Variants in RIOX2 observed in about 807,000 individuals in gnomAD.
The protein encoded by RIOX2 is ribosomal oxygenase 2, also known as 60S ribosomal protein L27a histidine hydroxylase.
A neutral mutation model predicts 51.2 loss-of-function variants in RIOX2; 43 were observed. The ratio of observed to expected loss-of-function variants is 0.84; its 90% CI spans 0.66 to 1.08. The LOEUF (loss-of-function observed/expected upper bound fraction) is 1.08. RIOX2 is among the 50% of genes least tolerant of loss of function. The probability of loss-of-function intolerance (pLI) is 0.00; values close to 1 mark genes in which losing one functional copy is unlikely to be tolerated. For missense variants in RIOX2, 566 were observed against 561.7 expected (o/e 1.01, Z -0.08); for synonymous variants, 226 against 218.5 (o/e 1.03, Z -0.30).
intron 3 of RIOX2, among the ~76,000 whole-genome samples, chr3:97,960,204 A>G (rs1244861967): frequency 1.3e-5 from 2 of 152,212 alleles, no homozygotes; most frequent in Non-Finnish European, 2.9e-5. Flanking sequence ...AAAAAGTCGT[A>G]ACGTTACAAG....
Position 97,942,444 on chromosome 3 carries a change from G to A in RIOX2, c.*2740C>T, listed in dbSNP as rs774492633. 2.4e-5 allele frequency: 38 copies of A among 1,607,172 alleles called. No homozygotes were observed. The highest frequency in any genetic ancestry group is 2.7e-5 in the Non-Finnish European group (32 of 1,176,160). The stretch of plus-strand genomic sequence containing the variant: ...GATCAACTTGTCCTTGATGTTAAAG[G>A]TGGGCCTTTGATGATACCCAATGTT... On this transcript the variant is annotated 3_prime_UTR_variant, in exon 10 of 10. Coordinates refer to ENST00000394198, the MANE Select transcript of RIOX2 (RefSeq NM_153182.4).
intron 7 of RIOX2, 30 bp downstream of exon 7, chr3:97,949,814 G>T: frequency 6.2e-7 from 1 of 1,605,186 alleles, no homozygotes; most frequent in South Asian, 1.1e-5. Context: ...ATTAGCCTCT[G>T]ACCACCCAGA....
At chr3:97,954,677 G>C (rs140513828) in intron 4 of RIOX2, among the ~76,000 whole-genome samples, 182 bp from the exon 5 acceptor site, 1 of 151,976 alleles carries the variant, frequency 6.6e-6, no homozygotes, top group African/African-American at 2.4e-5. Context: ...CTCTGTGTCC[G>C]TGAGCCTGTC....
In RIOX2 at chr3:97,967,318, C is replaced by G. The variant is rs766455314; in HGVS notation, c.276G>C (p.Arg92=). 1 of 1,614,200 alleles carries G rather than the reference C, an allele frequency of 6.2e-7. No homozygotes were observed. The highest frequency in any genetic ancestry group is 8.5e-7 in the Non-Finnish European group (1 of 1,180,042). ...KLTDLKSLCS[R]GMYYGRDVNV... The stretch of plus-strand genomic sequence containing the variant: ...TCACATCTCTTCCATAGTACATCCC[C>G]CGGCTGCACAGACTCTTCAGATCTG... The change falls in exon 2 of 10, where the codon CGG becomes CGC. Residue 92 remains arginine (R), a synonymous_variant. Coordinates refer to ENST00000394198, the MANE Select transcript of RIOX2 (RefSeq NM_153182.4).
intron 8 of RIOX2, among the ~76,000 whole-genome samples, chr3:97,946,604 A>ATATATATATATATATATATATATC (rs1553712244): frequency 7.2e-6 from 1 of 139,716 alleles, no homozygotes; most frequent in Non-Finnish European, 1.5e-5. Context: ...ATATATATAT[A>ATATATATATATATATATATATATC]TATCTATTCA....
intron 4 of RIOX2, among the ~76,000 whole-genome samples, chr3:97,956,567 G>A (rs942913968): frequency 1.3e-5 from 2 of 151,778 alleles, no homozygotes; most frequent in Non-Finnish European, 2.9e-5. Context: ...CGTGATCTCG[G>A]TCACTGCAAC....
chr3:97,967,730 C>T, intron 1 of RIOX2, 98 bp from the exon 2 acceptor site: 2 of 851,144 alleles, frequency 2.3e-6, no homozygotes, highest in Non-Finnish European at 3.5e-6. Flanking sequence ...ACCATTACAC[C>T]TTCGTGAGAA....
intron 5 of RIOX2, among the ~76,000 whole-genome samples, chr3:97,951,809 G>A (rs572016740): frequency 3.3e-5 from 5 of 152,252 alleles, no homozygotes; most frequent in East Asian, 1.9e-4. Flanking sequence ...ACTACCTGGC[G>A]GCCTCACTGC....
At chr3:97,968,179 G>C (rs1705968156) in intron 1 of RIOX2, among the ~76,000 whole-genome samples, 1 of 152,082 alleles carries the variant, frequency 6.6e-6, no homozygotes, top group Admixed American at 6.5e-5. Context: ...GGTGTCTCCT[G>C]GTGGCTGGAG....
Position 97,961,722 on chromosome 3 carries a change from GA to G in RIOX2, c.433-15del, listed in dbSNP as rs1559762745. Reference sequence around the variant, plus strand: ...CCAAAGCTCATCCTTTACAAAAAAGGAAAAAAGAAAGGGTCGGCGTGGGGGA... The same window carrying G: ...CCAAAGCTCATCCTTTACAAAAAAGGAAAAAGAAAGGGTCGGCGTGGGGGA... On this transcript the variant is annotated splice_polypyrimidine_tract_variant and intron_variant, in intron 2 of 9. Transcript: ENST00000394198. 6.3e-7 allele frequency: 1 copy of G among 1,577,178 alleles called. No individual in the cohort carries two copies. Among genetic ancestry groups the G allele is most frequent in the Non-Finnish European group, 8.5e-7 (1 of 1,169,604 alleles).
intron 5 of RIOX2, among the ~76,000 whole-genome samples, chr3:97,952,741 G>C (rs1211498386): frequency 1.3e-5 from 2 of 152,170 alleles, no homozygotes; most frequent in Admixed American, 6.5e-5. Context: ...CAGCCTCTCT[G>C]TAGCCTGGAG....
chr3:97,958,532 TTAC>T (rs1705541009), intron 4 of RIOX2, among the ~76,000 whole-genome samples: 1 of 152,184 alleles, frequency 6.6e-6, no homozygotes, highest in African/African-American at 2.4e-5. Context: ...ACTTTCCTGA[TTAC>T]TACTGTTCTG....
intron 9 of RIOX2, 80 bp downstream of exon 9, chr3:97,945,718 C>T (rs2040339064): frequency 9.1e-7 from 1 of 1,098,032 alleles, no homozygotes; most frequent in Non-Finnish European, 1.4e-6. Context: ...AAGCATATTA[C>T]CTGTAAATCA....
chr3:97,972,146 C>T (rs1279228117), intron 1 of RIOX2: 1 of 152,174 alleles, frequency 6.6e-6, no homozygotes, highest in Non-Finnish European at 1.5e-5. Context: ...CGCGACCCTA[C>T]CCCTAGATCC....
At chr3:97,952,267 G>A in intron 5 of RIOX2, 1 of 1,282,314 alleles carries the variant, frequency 7.8e-7, no homozygotes, top group African/African-American at 1.5e-5. Context: ...CCAAGACACA[G>A]GTCAAAATCC....
chr3:97,965,827 T>G (rs938261719), intron 2 of RIOX2, among the ~76,000 whole-genome samples: 1 of 152,246 alleles, frequency 6.6e-6, no homozygotes, highest in African/African-American at 2.4e-5. Context: ...CATTTATGTT[T>G]AGAGTTCTCA....
intron 4 of RIOX2, among the ~76,000 whole-genome samples, chr3:97,958,038 T>TA (rs1021097889): frequency 6.6e-6 from 1 of 151,912 alleles, no homozygotes; most frequent in Non-Finnish European, 1.5e-5. Context: ...ACTAAAAGCA[T>TA]AAAAAAAACC....
At chr3:97,969,177 C>T (rs1176214954) in intron 1 of RIOX2, among the ~76,000 whole-genome samples, 8 of 151,942 alleles carry the variant, frequency 5.3e-5, no homozygotes, top group Non-Finnish European at 8.8e-5. Flanking sequence ...TGGTGGAAGA[C>T]TAACACAAAC....
chr3:97,949,727 C>T, intron 7 of RIOX2, 117 bp downstream of exon 7: 1 of 896,460 alleles, frequency 1.1e-6, no homozygotes, highest in Non-Finnish European at 1.7e-6. Flanking sequence ...GGATGTGGTC[C>T]ACATTAACAC....
Sources: gnomAD v4.1 joint callset for allele counts (sites outside exome capture counted in the v4.1 genomes callset) on GRCh38, gnomAD v4.1.1 for gene constraint, MANE v1.5 for transcripts, NCBI Gene and HGNC (gene_info 2026-07-23, HGNC 2026-07-21) for gene names.